ATP10B: variants seen among roughly 807,000 people sequenced by gnomAD.
ATP10B encodes the protein phospholipid-transporting ATPase VB.
ATP10B carries 122 observed loss-of-function variants against 141.2 expected under a neutral mutation model. The ratio of observed to expected loss-of-function variants is 0.86; its 90% CI spans 0.75 to 1.00. The LOEUF is 1.00. ATP10B is among the 50% of genes least tolerant of loss of function. The pLI is 0.00. For missense variants in ATP10B, 1,876 were observed against 1,825.3 expected (o/e 1.03, Z -0.51); for synonymous variants, 685 against 692.0 (o/e 0.99, Z 0.16).
At chr5:160,651,872 A>G (rs1403941926) in intron 7 of ATP10B, among the ~76,000 whole-genome samples, 2 of 152,040 alleles carry the variant, frequency 1.3e-5, no homozygotes, top group African/African-American at 4.8e-5. Flanking sequence ...GATGATGACA[A>G]ATCATGCTGT....
chr5:160,754,853 C>G lies in ATP10B; in HGVS notation c.-331+30706G>C, dbSNP rs1040578353. Among the ~76,000 whole-genome samples the G allele has an allele frequency of 3.9e-5, 6 of 152,112 alleles. 1 individual carries two copies. The highest frequency in any genetic ancestry group is 7.2e-5 in the African/African-American group (3 of 41,416). On this transcript the variant is annotated intron_variant, in intron 2 of 25. Transcript: ENST00000327245. Reference sequence around the variant, plus strand: ...GCCCTTCAAATGGGAAAAAGGCAGCCAAAGATCACCAATGTGTCACCTTTT... The same window carrying G: ...GCCCTTCAAATGGGAAAAAGGCAGCGAAAGATCACCAATGTGTCACCTTTT...
intron 7 of ATP10B, among the ~76,000 whole-genome samples, chr5:160,662,284 G>T (rs1292653317): frequency 9.6e-4 from 145 of 151,000 alleles, no homozygotes; most frequent in African/African-American, 3.5e-3. Context: ...TCACAGAATT[G>T]GAAAAAACTA....
intron 18 of ATP10B, among the ~76,000 whole-genome samples, chr5:160,609,902 C>T (rs191102486): frequency 2.3e-4 from 35 of 152,226 alleles, no homozygotes; most frequent in Admixed American, 1.9e-3. Context: ...ATAAATTCCT[C>T]CAATATATGA....
intron 2 of ATP10B, among the ~76,000 whole-genome samples, chr5:160,758,393 G>T (rs951366541): frequency 1.3e-5 from 2 of 152,108 alleles, no homozygotes; most frequent in Non-Finnish European, 1.5e-5. Context: ...CTTGATACAT[G>T]GCAGATATTA....
intron 10 of ATP10B, among the ~76,000 whole-genome samples, chr5:160,639,731 G>A (rs1759687689): frequency 6.6e-6 from 1 of 152,034 alleles, no homozygotes; most frequent in Non-Finnish European, 1.5e-5. Context: ...AGGGGGAGAT[G>A]GTTTCAGGGG....
At chr5:160,834,705 A>G (rs1400049213) in intron 1 of ATP10B, among the ~76,000 whole-genome samples, 1 of 152,146 alleles carries the variant, frequency 6.6e-6, no homozygotes, top group African/African-American at 2.4e-5. Flanking sequence ...AGACACTCAC[A>G]TACAAATTCT....
At chr5:160,576,972 T>C (rs187636162) in intron 24 of ATP10B, among the ~76,000 whole-genome samples, 28 of 152,288 alleles carry the variant, frequency 1.8e-4, no homozygotes, top group Non-Finnish European at 1.0e-4. Context: ...TCTGAACACA[T>C]TTCCCTCCCA....
chr5:160,731,100 G>A (rs1319627598), intron 2 of ATP10B, among the ~76,000 whole-genome samples: 2 of 152,176 alleles, frequency 1.3e-5, no homozygotes, highest in East Asian at 3.8e-4. Context: ...CTATGGGGAA[G>A]ATGTAGAAAC....
chr5:160,727,918 C>A (rs577312549), intron 2 of ATP10B, among the ~76,000 whole-genome samples: 2 of 152,278 alleles, frequency 1.3e-5, no homozygotes, highest in African/African-American at 4.8e-5. Context: ...CTCTTGTGAA[C>A]AAGGACATAC....
chr5:160,608,148 C>A (rs942839370), intron 18 of ATP10B, among the ~76,000 whole-genome samples: 1 of 151,258 alleles, frequency 6.6e-6, no homozygotes, highest in Admixed American at 6.6e-5. Flanking sequence ...TTTCATTGTT[C>A]ACTTCCCACC....
At chr5:160,635,461 G>A (rs1278875676) in intron 11 of ATP10B, among the ~76,000 whole-genome samples, 11 of 152,134 alleles carry the variant, frequency 7.2e-5, no homozygotes, top group Admixed American at 7.2e-4. Flanking sequence ...ATGAAACCAT[G>A]AGAGGATTCT....
the ATP10B span, among the ~76,000 whole-genome samples, chr5:160,859,099 G>T: frequency 6.6e-6 from 1 of 151,688 alleles, no homozygotes; most frequent in African/African-American, 2.4e-5. Context: ...TTTAAGATAA[G>T]TCTGCTGGCA....
At chr5:160,859,359 C>A in the ATP10B span, among the ~76,000 whole-genome samples, 1 of 151,758 alleles carries the variant, frequency 6.6e-6, no homozygotes, top group Non-Finnish European at 1.5e-5. Flanking sequence ...AGCCATTATT[C>A]TTTTTCTGGT....
At chr5:160,814,709 G>C (rs1773462189) in intron 1 of ATP10B, among the ~76,000 whole-genome samples, 2 of 152,182 alleles carry the variant, frequency 1.3e-5, no homozygotes, top group Non-Finnish European at 1.5e-5. Flanking sequence ...TGAAATGAAG[G>C]AAAAAATGTT....
At chr5:160,720,609 C>G (rs528334980) in intron 2 of ATP10B, among the ~76,000 whole-genome samples, 24 of 152,334 alleles carry the variant, frequency 1.6e-4, no homozygotes, top group Non-Finnish European at 2.9e-4. Context: ...TTTGCGATGA[C>G]TATCTTCTTA....
intron 2 of ATP10B, among the ~76,000 whole-genome samples, chr5:160,762,059 T>C (rs1375350114): frequency 1.3e-5 from 2 of 152,092 alleles, no homozygotes; most frequent in African/African-American, 4.8e-5. Context: ...TCCAAGAAAT[T>C]TGGGATTATG....
At chr5:160,823,181 C>T (rs1385652589) in intron 1 of ATP10B, among the ~76,000 whole-genome samples, 1 of 151,246 alleles carries the variant, frequency 6.6e-6, no homozygotes, top group African/African-American at 2.4e-5. Flanking sequence ...AAATGTGGTA[C>T]ATATACACCA....
chr5:160,845,460 G>A (rs1054720849), intron 1 of ATP10B, among the ~76,000 whole-genome samples: 3 of 152,150 alleles, frequency 2.0e-5, no homozygotes, highest in African/African-American at 4.8e-5. Flanking sequence ...GGACCTTCTC[G>A]AAAGCTGGTA....
chr5:160,791,374 T>G (rs771698872), intron 1 of ATP10B, among the ~76,000 whole-genome samples: 1 of 152,276 alleles, frequency 6.6e-6, no homozygotes. Context: ...TAGGAGCAAG[T>G]GCGGCTTGAA....
Sources: gnomAD v4.1 joint callset for allele counts (sites outside exome capture counted in the v4.1 genomes callset) on GRCh38, gnomAD v4.1.1 for gene constraint, MANE v1.5 for transcripts, NCBI Gene and HGNC (gene_info 2026-07-23, HGNC 2026-07-21) for gene names.